The following FGR variants were observed in gnomAD, a reference collection of about 807,000 sequenced individuals.
The protein encoded by FGR is FGR proto-oncogene, Src family tyrosine kinase, also known as tyrosine-protein kinase Fgr.
FGR carries 26 observed loss-of-function variants against 63.2 expected under a neutral mutation model. That is an observed-to-expected ratio of 0.41 (90% CI 0.30 to 0.57). The LOEUF is 0.57. Ranked by LOEUF, FGR falls within the 20% of genes least tolerant of loss-of-function variation. The pLI is 0.27. For synonymous variants in FGR, 286 were observed against 277.7 expected, an observed-to-expected ratio of 1.03 and a Z score of -0.30; for missense variants, 511 against 690.8, an observed-to-expected ratio of 0.74 and a Z score of 2.92.
chr1:27,627,443 C>T (rs1175955647), intron 1 of FGR, among the ~76,000 whole-genome samples: 2 of 80,340 alleles, frequency 2.5e-5, no homozygotes, highest in Admixed American at 1.7e-4. Flanking sequence ...TGTGCATGCA[C>T]ATGAACACAC....
At chr1:27,613,694 C>CAA (rs56363244) in intron 11 of FGR, among the ~76,000 whole-genome samples, 289 of 73,226 alleles carry the variant, frequency 3.9e-3, no homozygotes, top group East Asian at 9.4e-3. Context: ...GACTCCATCT[C>CAA]AAAAAAAAAA....
At chr1:27,624,372 CTA>C (rs139098862) in intron 2 of FGR, among the ~76,000 whole-genome samples, 14,595 of 152,156 alleles carry the variant, frequency 0.096, 1,886 homozygotes, top group African/African-American at 0.3. Flanking sequence ...AGAACTGGGA[CTA>C]TACAGGTGCG....
In FGR at chr1:27,612,635, G is replaced by A; in HGVS notation, c.*279C>T. On this transcript the variant is annotated 3_prime_UTR_variant, in exon 13 of 13. Coordinates refer to ENST00000374005, the MANE Select transcript of FGR (RefSeq NM_005248.3). Reference sequence around the variant, plus strand: ...ACTAGACAAGGTCTGAGCACTTTGGGTGGGGATGGAGTGAGAAAGGCTACA... The same window carrying A: ...ACTAGACAAGGTCTGAGCACTTTGGATGGGGATGGAGTGAGAAAGGCTACA... 2.4e-6 allele frequency: 1 copy of A among 424,134 alleles called. No individual in the cohort carries two copies. Among genetic ancestry groups the A allele is most frequent in the Non-Finnish European group, 4.3e-6 (1 of 232,804 alleles). 26.3% of individuals were successfully genotyped at this position (424,134 alleles called of 1,614,324 possible).
chr1:27,614,876 G>A lies in FGR; in HGVS notation c.1069C>T (p.Pro357Ser), dbSNP rs2089773340. 1.3e-6 allele frequency: 2 copies of A among 1,597,000 alleles called. No homozygotes were observed. The highest frequency in any genetic ancestry group is 1.3e-5 in the African/African-American group (1 of 74,482). The change falls in exon 10 of 13, where the codon CCC becomes TCC. Residue 357 changes from proline to serine, a missense_variant. By Grantham distance (74) the Pro-to-Ser change is moderately conservative (BLOSUM62 -1). Coordinates refer to ENST00000374005, the MANE Select transcript of FGR (RefSeq NM_005248.3). ...KNPEGQDLRLPQLVDMAAQVA... is the reference protein window; with the variant it reads ...KNPEGQDLRLSQLVDMAAQVA... ...TGGGCTGCCATGTCCACCAATTGGGGCAGCCTCAAATCCTGGCCCTCTGGG... is the reference window on the plus strand; with the variant it reads ...TGGGCTGCCATGTCCACCAATTGGGACAGCCTCAAATCCTGGCCCTCTGGG...
Position 27,612,816 on chromosome 1 carries a change from T to C in FGR, c.*98A>G. Reference sequence around the variant, plus strand: ...CACGTCCTCGGTGATGCTAGGACTCTATGGGGTTCTAAGCCAGCCTGGGGG... The same window carrying C: ...CACGTCCTCGGTGATGCTAGGACTCCATGGGGTTCTAAGCCAGCCTGGGGG... On this transcript the variant is annotated 3_prime_UTR_variant, in exon 13 of 13. Coordinates refer to ENST00000374005, the MANE Select transcript of FGR (RefSeq NM_005248.3). 1 of 1,168,786 alleles carries C rather than the reference T, an allele frequency of 8.6e-7. No individual in the cohort carries two copies. Among genetic ancestry groups the C allele is most frequent in the Non-Finnish European group, 1.2e-6 (1 of 817,574 alleles). The allele number at this position is 1,168,786 out of a possible 1,614,324, so 72.4% of individuals were successfully genotyped here.
Position 27,616,992 on chromosome 1 carries a change from A to T in FGR, c.547T>A (p.Ser183Thr). The T allele has an allele frequency of 6.2e-7, 1 of 1,614,166 alleles. No individual in the cohort carries two copies. Among genetic ancestry groups the T allele is most frequent in the East Asian group, 2.2e-5 (1 of 44,888 alleles). Residue 183 changes from serine (S) to threonine (T), a missense_variant, in exon 7 of 13, where the codon TCC becomes ACC. By Grantham distance (58) the Ser-to-Thr change is moderately conservative. Transcript: ENST00000374005. The surrounding 1 kb of genome is among the most constrained non-coding windows in gnomAD (Gnocchi z 4.3). ...SETTKGAYSL[S>T]IRDWDQTRGD... ...CTGGTCTGATCCCAGTCCCGGATGG[A>T]CAGGGAGTAGGCACCTGTGGAGAGG...
chr1:27,617,767 C>T lies in FGR; in HGVS notation c.429-471G>A, dbSNP rs1030479601. ...CTTCTCCCACCTCCACCTCCAAACT[C>T]TTTCCTCCTTTGGCCTCCAGAGCAG... is the stretch of plus-strand genomic sequence containing the variant. On this transcript the variant is annotated intron_variant, in intron 5 of 12. Coordinates refer to ENST00000374005, the MANE Select transcript of FGR (RefSeq NM_005248.3). This position sits in a 1 kb window ranked among gnomAD's most constrained non-coding sequence, Gnocchi z 4.5. 6.6e-6 allele frequency among the ~76,000 whole-genome samples: 1 copy of T among 152,220 alleles called. No homozygotes were observed. Among genetic ancestry groups the T allele is most frequent in the Admixed American group, 6.5e-5 (1 of 15,280 alleles).
chr1:27,623,346 A>C (rs2089964391), intron 3 of FGR: 3 of 600,022 alleles, frequency 5.0e-6, no homozygotes, highest in East Asian at 5.5e-5. Context: ...CATTCCTCCC[A>C]CCATGGAGGA....
Position 27,623,760 on chromosome 1 carries a change from A to C in FGR, c.157T>G (p.Tyr53Asp). 3 of 1,614,178 alleles carry C rather than the reference A, an allele frequency of 1.9e-6. No homozygotes were observed. The highest frequency in any genetic ancestry group is 2.5e-6 in the Non-Finnish European group (3 of 1,180,022). The change falls in exon 3 of 13, where the codon TAC becomes GAC. Residue 53 changes from tyrosine (Y) to aspartate (D), a missense_variant. Transcript: ENST00000374005. ...PASSFAHIPN[Y>D]SNFSSQAINP... ...ATGGCCTGAGAGGAGAAGTTGCTGT[A>C]GTTGGGGATGTGGGCAAATGAGGAT...
At position 27,612,941 on chromosome 1, in the gene FGR, T is replaced by A. The variant is rs777672715; in HGVS notation, c.1563A>T (p.Pro521=). ...ATGTCTGATCCCCGGGCTGGTACTG[T>A]GGTTCAGCGGAGGTGAAGTAGTCCT... ...FLEDYFTSAE[P]QYQPGDQT is the part of the protein sequence containing the mutation. Residue 521 remains proline, a synonymous_variant, in exon 13 of 13, where the codon CCA becomes CCT. Transcript: ENST00000374005. 51 of 1,613,924 alleles carry A rather than the reference T, an allele frequency of 3.2e-5. No individual in the cohort carries two copies. The Admixed American group carries it at 8.5e-4, about 27-fold the overall frequency.
chr1:27,614,653 G>C, intron 10 of FGR, 70 bp from the exon 11 acceptor site: 1 of 1,563,052 alleles, frequency 6.4e-7, no homozygotes, highest in Non-Finnish European at 8.7e-7. Flanking sequence ...TTTGAGGGGT[G>C]AGGGACCATT....
chr1:27,632,791 TCA>T (rs1328455441), intron 1 of FGR, among the ~76,000 whole-genome samples: 4 of 152,078 alleles, frequency 2.6e-5, no homozygotes, highest in African/African-American at 9.7e-5. Context: ...AGTCTAGATT[TCA>T]CAGTGTGGCC....
chr1:27,630,883 T>C (rs1403102781), intron 1 of FGR, among the ~76,000 whole-genome samples: 1 of 152,174 alleles, frequency 6.6e-6, no homozygotes, highest in African/African-American at 2.4e-5. Context: ...ACATCTGCCC[T>C]GTGGCCCTCC....
chr1:27,621,889 C>G (rs2089935471), intron 4 of FGR, among the ~76,000 whole-genome samples: 1 of 152,188 alleles, frequency 6.6e-6, no homozygotes, highest in Non-Finnish European at 1.5e-5. Context: ...TAGCTTCTTC[C>G]TTGGGCTCCC....
intron 10 of FGR, 101 bp downstream of exon 10, chr1:27,614,749 C>A (rs537430636): frequency 1.9e-5 from 26 of 1,346,088 alleles, no homozygotes; most frequent in Non-Finnish European, 2.3e-5. Context: ...ACAGCTGATG[C>A]AGGGGGCGGG....
Position 27,625,660 on chromosome 1 carries a change from G to T in FGR, c.-76-509C>A, listed in dbSNP as rs149756919. ...CATCTCCTAAAAACCAGTTCTTCCG[G>T]CCAGGCGCAGTGGCTCACGCCTATA... On this transcript the variant is annotated intron_variant, in intron 1 of 12. Transcript: ENST00000374005. 3.1e-3 allele frequency among the ~76,000 whole-genome samples: 474 copies of T among 152,284 alleles called. 2 individuals are homozygous for T. The highest frequency in any genetic ancestry group is 0.017 in the Middle Eastern group (5 of 294).
chr1:27,615,497 C>T lies in FGR; in HGVS notation c.955G>A (p.Val319Met), dbSNP rs1288125206. 4 of 1,613,596 alleles carry T rather than the reference C, an allele frequency of 2.5e-6. No individual in the cohort carries two copies. Among genetic ancestry groups the T allele is most frequent in the Non-Finnish European group, 3.4e-6 (4 of 1,179,514 alleles). The change falls in exon 9 of 13, where the codon GTG becomes ATG. Residue 319 changes from valine (V) to methionine (M), a missense_variant. By Grantham distance (21) the Val-to-Met change is conservative. Transcript: ENST00000374005. This position sits in a 1 kb window ranked among gnomAD's most constrained non-coding sequence, Gnocchi z 7.6. The part of the protein sequence containing the change: ...VMKLLRHDKL[V>M]QLYAVVSEEP... Reference sequence around the variant, plus strand: ...TCCGACACCACGGCGTACAGCTGCACCAGCTTGTCGTGCCGCAGCAGCTTC... The same window carrying T: ...TCCGACACCACGGCGTACAGCTGCATCAGCTTGTCGTGCCGCAGCAGCTTC...
chr1:27,634,345 G>T (rs770825565), intron 1 of FGR, among the ~76,000 whole-genome samples: 8 of 152,196 alleles, frequency 5.3e-5, no homozygotes, highest in Admixed American at 2.0e-4. Context: ...CCTGCCGAGG[G>T]CGGGGACTTC....
Position 27,613,557 on chromosome 1 carries a change from G to T in FGR, c.1250-207C>A, listed in dbSNP as rs1388176895. On this transcript the variant is annotated intron_variant, in intron 11 of 12. Coordinates refer to ENST00000374005, the MANE Select transcript of FGR (RefSeq NM_005248.3). ...GTCTCTACTAAAAATACAAAAATTA[G>T]CCGGGCATGGTGGCGGGTGCCTGTA... Among the ~76,000 whole-genome samples the T allele has an allele frequency of 2.6e-5, 4 of 152,186 alleles. No homozygotes were observed. The East Asian group carries it at 7.7e-4, about 29-fold the overall frequency.
Sources: gnomAD v4.1 joint callset for allele counts (sites outside exome capture counted in the v4.1 genomes callset) on GRCh38, gnomAD v4.1.1 for gene constraint, Gnocchi (gnomAD v3.1) non-coding constraint, MANE v1.5 for transcripts, NCBI Gene and HGNC (gene_info 2026-07-23, HGNC 2026-07-21) for gene names.